The following TSGA10 variants were observed in gnomAD, a reference collection of about 807,000 sequenced individuals.
TSGA10 encodes the protein testis specific 10.
TSGA10 carries 43 observed loss-of-function variants against 96.6 expected under a neutral mutation model. The ratio of observed to expected loss-of-function variants is 0.44; its 90% CI spans 0.35 to 0.57. The LOEUF (loss-of-function observed/expected upper bound fraction) is 0.57, where lower values mean the gene tolerates loss of function less well. Ranked by LOEUF, TSGA10 falls within the 20% of genes least tolerant of loss-of-function variation. The pLI is 0.01. For synonymous variants in TSGA10, 229 were observed against 269.9 expected (o/e 0.85, Z 1.48); for missense variants, 703 against 834.4 (o/e 0.84, Z 1.94).
Position 99,105,451 on chromosome 2 carries a change from A to G in TSGA10, c.382-15T>C. ...TCTTGAGCAATCTGATTAAAAAGCA[A>G]AAACAAAATAAAGTGATTTCAATAT... On this transcript the variant is annotated splice_polypyrimidine_tract_variant and intron_variant, in intron 8 of 20. Transcript: ENST00000393483. The G allele has an allele frequency of 1.9e-6, 3 of 1,613,848 alleles. No individual in the cohort carries two copies. In the Admixed American group the frequency reaches 5.0e-5, roughly 27 times the overall value.
At chr2:99,004,437 C>A (rs570248715) in intron 20 of TSGA10, among the ~76,000 whole-genome samples, 1 of 148,794 alleles carries the variant, frequency 6.7e-6, no homozygotes, top group East Asian at 2.0e-4. Context: ...AATCCAGATG[C>A]AATAAAAAAT....
chr2:99,033,534 A>C (rs1318262433), intron 17 of TSGA10, among the ~76,000 whole-genome samples: 1 of 152,208 alleles, frequency 6.6e-6, no homozygotes, highest in Non-Finnish European at 1.5e-5. Flanking sequence ...GGAGAATGAC[A>C]ACTGTGTTCA....
intron 1 of TSGA10, chr2:99,147,077 A>G (rs995331331): frequency 5.8e-6 from 1 of 173,480 alleles, no homozygotes; most frequent in African/African-American, 2.4e-5. Context: ...TCCAAGTTAC[A>G]GCTCTGTCAT....
chr2:99,073,995 C>CTT (rs2086298056), intron 12 of TSGA10, among the ~76,000 whole-genome samples: 2 of 36,134 alleles, frequency 5.5e-5, no homozygotes, highest in South Asian at 7.5e-4. Flanking sequence ...GTTCCTGTTT[C>CTT]TTTTCTTTTT....
intron 1 of TSGA10, among the ~76,000 whole-genome samples, chr2:99,144,421 A>C (rs1574755871): frequency 6.6e-6 from 1 of 151,162 alleles, no homozygotes; most frequent in African/African-American, 2.4e-5. Flanking sequence ...CCTGTTTCTC[A>C]AGGATCACTC....
At chr2:99,126,861 C>T (rs577220970) in intron 2 of TSGA10, 187 bp downstream of exon 2, 27 of 373,106 alleles carry the variant, frequency 7.2e-5, no homozygotes, top group Non-Finnish European at 1.1e-4. Context: ...ACACTTGACA[C>T]GTAGTTTGCA....
chr2:99,021,019 T>A (rs2079960823), intron 17 of TSGA10, among the ~76,000 whole-genome samples: 1 of 150,928 alleles, frequency 6.6e-6, no homozygotes, highest in African/African-American at 2.4e-5. Flanking sequence ...CATAAACTTG[T>A]GGAAAGCTTC....
At chr2:99,014,517 T>C (rs979950540) in intron 20 of TSGA10, among the ~76,000 whole-genome samples, 8 of 152,164 alleles carry the variant, frequency 5.3e-5, no homozygotes, top group South Asian at 2.1e-4. Flanking sequence ...GTTCATAGCA[T>C]TTAGTGCCTA....
At chr2:99,042,039 C>CCTTTT (rs1558816084) in intron 16 of TSGA10, among the ~76,000 whole-genome samples, 8 of 140,110 alleles carry the variant, frequency 5.7e-5, no homozygotes, top group Non-Finnish European at 4.6e-5. Flanking sequence ...TGCCCCCCCA[C>CCTTTT]ATTTTTTTTT....
intron 20 of TSGA10, among the ~76,000 whole-genome samples, chr2:99,009,948 G>A (rs2078866616): frequency 6.6e-6 from 1 of 152,148 alleles, no homozygotes; most frequent in Non-Finnish European, 1.5e-5. Context: ...TAGTGAGTAT[G>A]GGTAAAGGGC....
chr2:99,101,321 C>G (rs2090707094), intron 10 of TSGA10, among the ~76,000 whole-genome samples: 1 of 145,712 alleles, frequency 6.9e-6, no homozygotes, highest in East Asian at 2.1e-4. Context: ...TAAATAACGT[C>G]TGTTAATAAA....
Position 99,081,393 on chromosome 2 carries a change from A to G in TSGA10, c.616T>C (p.Leu206=). 6.5e-7 allele frequency: 1 copy of G among 1,538,584 alleles called. No individual in the cohort carries two copies. The highest frequency in any genetic ancestry group is 8.8e-7 in the Non-Finnish European group (1 of 1,137,822). Residue 206 remains leucine (L), a synonymous_variant, in exon 11 of 21, where the codon TTG becomes CTG. Transcript: ENST00000393483. ...AGATCTTTTTCTGTGTTTTCATACA[A>G]AAGTCTGCAAATATTTTAATAATAA... is the stretch of plus-strand genomic sequence containing the variant. ...QKAENNSLRL[L]YENTEKDLSD...
At chr2:99,087,908 C>A (rs2088759197) in intron 10 of TSGA10, among the ~76,000 whole-genome samples, 1 of 152,098 alleles carries the variant, frequency 6.6e-6, no homozygotes. Flanking sequence ...CAAACAGGCA[C>A]TCAACATCAT....
chr2:99,122,615 CAAAA>C (rs148224475), intron 2 of TSGA10, among the ~76,000 whole-genome samples: 1 of 53,268 alleles, frequency 1.9e-5, no homozygotes, highest in South Asian at 5.8e-4. Flanking sequence ...CCATCTCTAC[CAAAA>C]AAAAAAAAAA....
At chr2:99,066,245 A>T (rs1456280093) in intron 15 of TSGA10, among the ~76,000 whole-genome samples, 1 of 152,226 alleles carries the variant, frequency 6.6e-6, no homozygotes, top group Non-Finnish European at 1.5e-5. Context: ...GTGTTAGTCA[A>T]CAATATACTA....
chr2:99,026,183 T>C (rs1225874129), intron 17 of TSGA10, among the ~76,000 whole-genome samples: 1 of 152,226 alleles, frequency 6.6e-6, no homozygotes, highest in Non-Finnish European at 1.5e-5. Flanking sequence ...AAGTGGGGTA[T>C]TGACATCTGC....
chr2:99,101,756 A>G (rs2090767603), intron 10 of TSGA10, among the ~76,000 whole-genome samples: 1 of 152,234 alleles, frequency 6.6e-6, no homozygotes, highest in Non-Finnish European at 1.5e-5. Context: ...CAACGTGGAC[A>G]AACACTGAAA....
chr2:99,147,161 G>A (rs1030163989), intron 1 of TSGA10: 9 of 300,296 alleles, frequency 3.0e-5, no homozygotes, highest in African/African-American at 4.3e-5. Context: ...ATATCTTTTT[G>A]TTTTTTTTAA....
chr2:98,997,591 T>A lies in TSGA10; in HGVS notation c.*606A>T, dbSNP rs2077570881. 2.6e-5 allele frequency: 4 copies of A among 152,304 alleles called. No individual in the cohort carries two copies. The South Asian group carries it at 8.3e-4, about 32-fold the overall frequency. The allele number at this position is 152,304 out of a possible 1,614,324, so 9.4% of individuals were successfully genotyped here. ...CCTACCTTTCTAAAAGCAGTAGTAG[T>A]AAACACAATTGTAGAATATGTATGT... is the stretch of plus-strand genomic sequence containing the variant. On this transcript the variant is annotated 3_prime_UTR_variant, in exon 21 of 21. Transcript: ENST00000393483.
Sources: allele counts gnomAD v4.1 joint callset (sites outside exome capture counted in the v4.1 genomes callset), GRCh38; gene constraint gnomAD v4.1.1; transcripts MANE v1.5; gene names NCBI Gene and HGNC (gene_info 2026-07-23, HGNC 2026-07-21).